The following PCDHGA3 variants were observed in gnomAD, a reference collection of about 807,000 sequenced individuals.
PCDHGA3 encodes the protein protocadherin gamma subfamily A, 3.
In PCDHGA3, 40 loss-of-function variants were observed where a neutral mutation model predicts 58.5. That is an observed-to-expected ratio of 0.68 (90% CI 0.53 to 0.89). The LOEUF (loss-of-function observed/expected upper bound fraction) is 0.89. Ranked by LOEUF, PCDHGA3 falls within the 40% of genes least tolerant of loss-of-function variation. The probability of loss-of-function intolerance (pLI) is 0.00; values close to 1 mark genes in which losing one functional copy is unlikely to be tolerated. For missense variants in PCDHGA3, 1,223 were observed against 1,195.9 expected (o/e 1.02, Z -0.33); for synonymous variants, 530 against 525.7 (o/e 1.01, Z -0.11).
chr5:141,384,609 T>C (rs967686346), intron 1 of PCDHGA3: 1 of 1,614,148 alleles, frequency 6.2e-7, no homozygotes, highest in South Asian at 1.1e-5. Context: ...TCCCCACAGA[T>C]GGTTCTACTG....
At chr5:141,347,428 T>G (rs1195232524) in intron 1 of PCDHGA3, among the ~76,000 whole-genome samples, 2 of 152,046 alleles carry the variant, frequency 1.3e-5, no homozygotes, top group African/African-American at 2.4e-5. Context: ...GTACTGCGAT[T>G]AGAGGCATGA....
chr5:141,472,770 G>C (rs953423129), intron 1 of PCDHGA3, among the ~76,000 whole-genome samples: 5 of 152,046 alleles, frequency 3.3e-5, no homozygotes, highest in Admixed American at 6.6e-5. Flanking sequence ...CAGATCACCT[G>C]AGGTTGGGAG....
chr5:141,472,850 G>A (rs1230517294), intron 1 of PCDHGA3, among the ~76,000 whole-genome samples: 1 of 151,876 alleles, frequency 6.6e-6, no homozygotes, highest in Admixed American at 6.6e-5. Flanking sequence ...GCTGGGCATG[G>A]TGGCACATGC....
At chr5:141,405,555 G>C in intron 1 of PCDHGA3, 1 of 620,228 alleles carries the variant, frequency 1.6e-6, no homozygotes, top group Non-Finnish European at 2.8e-6. Context: ...AAGTAGAGTA[G>C]CTGGGACTAG....
At chr5:141,389,893 T>TGCCGGATATCACTGACC in intron 1 of PCDHGA3, 1 of 1,614,094 alleles carries the variant, frequency 6.2e-7, no homozygotes, top group Non-Finnish European at 8.5e-7. Context: ...CAGGAGGTGC[T>TGCCGGATATCACTGACC]GCCGGATATC....
intron 1 of PCDHGA3, chr5:141,404,208 A>G (rs1411239715): frequency 6.2e-7 from 1 of 1,613,782 alleles, no homozygotes; most frequent in Admixed American, 1.7e-5. Flanking sequence ...TCAGAATATA[A>G]TATCACGGTG....
chr5:141,362,679 C>A, intron 1 of PCDHGA3: 1 of 1,209,570 alleles, frequency 8.3e-7, no homozygotes. Context: ...CCTTAATTGT[C>A]TTAATCTTAT....
chr5:141,413,197 T>C (rs1429088178), intron 1 of PCDHGA3: 1 of 1,611,552 alleles, frequency 6.2e-7, no homozygotes, highest in Non-Finnish European at 8.5e-7. Flanking sequence ...AAGGAATCGC[T>C]CAAAGGAATC....
chr5:141,488,210 A>G (rs2099673009), intron 1 of PCDHGA3, among the ~76,000 whole-genome samples: 1 of 152,192 alleles, frequency 6.6e-6, no homozygotes, highest in Admixed American at 6.5e-5. Context: ...ACTCATATCA[A>G]GTCCCTACTG....
At chr5:141,390,611 C>A (rs1248320569) in intron 1 of PCDHGA3, 1 of 295,950 alleles carries the variant, frequency 3.4e-6, no homozygotes, top group Admixed American at 4.8e-5. Context: ...CATTTTCCTT[C>A]TTGTTGACTA....
At chr5:141,373,075 G>T (rs1337771380) in intron 1 of PCDHGA3, among the ~76,000 whole-genome samples, 1 of 152,076 alleles carries the variant, frequency 6.6e-6, no homozygotes, top group Non-Finnish European at 1.5e-5. Flanking sequence ...TTTTAATACA[G>T]TATTATCTCA....
intron 1 of PCDHGA3, among the ~76,000 whole-genome samples, chr5:141,457,920 C>T (rs1340816332): frequency 6.6e-6 from 1 of 150,868 alleles, no homozygotes; most frequent in Non-Finnish European, 1.5e-5. Flanking sequence ...GCCAGTTCTC[C>T]CCAAGGGGCT....
At chr5:141,364,971 C>G in intron 1 of PCDHGA3, 3 of 1,613,916 alleles carry the variant, frequency 1.9e-6, no homozygotes, top group Non-Finnish European at 2.5e-6. Flanking sequence ...CTCCTCACAG[C>G]TTTAGATGGC....
rs200317374 is a variant in PCDHGA3 at position 141,408,395 on chromosome 5, A to G, written c.2424+61938A>G. On this transcript the variant is annotated intron_variant, in intron 1 of 3. Coordinates refer to ENST00000253812, the MANE Select transcript of PCDHGA3 (RefSeq NM_018916.4). ...CAGTGTCCTGGATGTGTCGGCTCGC[A>G]AGCTGCGAGTGAGCGCGGAGAAGCT... 8.8e-3 allele frequency: 14,159 copies of G among 1,613,888 alleles called. 310 individuals are homozygous for G. Among genetic ancestry groups the G allele is most frequent in the South Asian group, 0.064 (5,857 of 91,072 alleles).
At chr5:141,413,796 G>A in intron 1 of PCDHGA3, 2 of 1,613,190 alleles carry the variant, frequency 1.2e-6, no homozygotes, top group Non-Finnish European at 1.7e-6. Flanking sequence ...TAGATCGCGA[G>A]GAAGAGGCCA....
At chr5:141,393,101 C>T (rs891971324) in intron 1 of PCDHGA3, 2 of 1,613,564 alleles carry the variant, frequency 1.2e-6, no homozygotes, top group Non-Finnish European at 1.7e-6. Flanking sequence ...AGGAGCTCTG[C>T]GCTCAGAGCC....
Position 141,405,346 on chromosome 5 carries a change from G to T in PCDHGA3, c.2424+58889G>T, listed in dbSNP as rs184640789. 60 of 1,614,108 alleles carry T rather than the reference G, an allele frequency of 3.7e-5. No individual in the cohort carries two copies. The East Asian group carries it at 1.3e-3, about 35-fold the overall frequency. The stretch of plus-strand genomic sequence containing the variant: ...CTTTGTGCGTCTCTGTTGATTCCAA[G>T]TTTCCTATAGAAGACACCCCTTTGG... On this transcript the variant is annotated intron_variant, in intron 1 of 3. Transcript: ENST00000253812.
chr5:141,482,752 T>C (rs1361016909), intron 1 of PCDHGA3, among the ~76,000 whole-genome samples: 1 of 127,096 alleles, frequency 7.9e-6, no homozygotes, highest in Non-Finnish European at 1.6e-5. Context: ...AGAGGGATTA[T>C]GGTATTTCAT....
At chr5:141,468,024 T>C (rs1386255481) in intron 1 of PCDHGA3, among the ~76,000 whole-genome samples, 1 of 152,046 alleles carries the variant, frequency 6.6e-6, no homozygotes, top group African/African-American at 2.4e-5. Flanking sequence ...TGAAGTAAAA[T>C]ACTTCATTTA....
Sources: gnomAD v4.1 joint callset for allele counts (sites outside exome capture counted in the v4.1 genomes callset) on GRCh38, gnomAD v4.1.1 for gene constraint, MANE v1.5 for transcripts, NCBI Gene and HGNC (gene_info 2026-07-23, HGNC 2026-07-21) for gene names.